The following ITPR1 variants were observed in gnomAD, a reference collection of about 807,000 sequenced individuals.
ITPR1 encodes the protein inositol 1,4,5-trisphosphate-gated calcium channel ITPR1.
Under a neutral mutation model 318.4 loss-of-function variants are expected in ITPR1, and 96 were observed. That is an observed-to-expected ratio of 0.30 (90% CI 0.26 to 0.36). ITPR1 has a LOEUF of 0.36. Among genes scored for constraint, ITPR1 ranks in the 10% least tolerant of loss-of-function variants. The probability of loss-of-function intolerance (pLI) is 1.00; values close to 1 mark genes in which losing one functional copy is unlikely to be tolerated. For missense variants in ITPR1, 2,440 were observed against 3,460.2 expected (o/e 0.71, Z 7.40); for synonymous variants, 1,312 against 1,289.9 (o/e 1.02, Z -0.37).
intron 10 of ITPR1, among the ~76,000 whole-genome samples, chr3:4,650,306 C>T (rs1202368399): frequency 6.6e-6 from 1 of 152,152 alleles, no homozygotes; most frequent in Admixed American, 6.5e-5. Flanking sequence ...GAATGCCTTC[C>T]ACAGTGAGTG....
chr3:4,667,484 A>G lies in ITPR1; in HGVS notation c.1821A>G (p.Glu607=). The G allele has an allele frequency of 1.2e-6, 2 of 1,613,916 alleles. No individual in the cohort carries two copies. The highest frequency in any genetic ancestry group is 1.7e-6 in the Non-Finnish European group (2 of 1,179,814). Residue 607 remains glutamate, a synonymous_variant, in exon 18 of 62, where the codon GAA becomes GAG. Coordinates refer to ENST00000649015, the MANE Select transcript of ITPR1 (RefSeq NM_001378452.1). ...ALLHNNRKLL[E]KHITAAEIDT... is the part of the protein sequence containing the mutation. ...TCCACAATAATCGGAAACTCCTGGA[A>G]AAACACATTACCGCGGCAGAGATTG...
rs201894676 is a variant in ITPR1 at position 4,818,206 on chromosome 3, T to C, written c.7992T>C (p.Tyr2664=). The change falls in exon 60 of 62, where the codon TAT becomes TAC. Residue 2664 remains tyrosine (Y), a synonymous_variant. Coordinates refer to ENST00000649015, the MANE Select transcript of ITPR1 (RefSeq NM_001378452.1). ...TGAAAGTAAAGGACTCCACCGAATA[T>C]ACTGGGCCTGAGAGTTACGTGGCAG... ...VLVKVKDSTE[Y]TGPESYVAEM... is the part of the protein sequence containing the mutation. 81 of 1,587,508 alleles carry C rather than the reference T, an allele frequency of 5.1e-5. No homozygotes were observed. The Middle Eastern group carries it at 1.2e-3, about 23-fold the overall frequency.
chr3:4,566,548 G>T (rs2087274407), intron 4 of ITPR1, among the ~76,000 whole-genome samples: 1 of 151,554 alleles, frequency 6.6e-6, no homozygotes, highest in Non-Finnish European at 1.5e-5. Flanking sequence ...TCAGAGTTGA[G>T]AGTGGGGAGA....
intron 2 of ITPR1, among the ~76,000 whole-genome samples, chr3:4,514,638 C>A (rs9871469): frequency 3.5e-4 from 53 of 152,092 alleles, no homozygotes; most frequent in Non-Finnish European, 5.7e-4. Context: ...GGAGCACATA[C>A]CTGCTCTTCT....
intron 4 of ITPR1, among the ~76,000 whole-genome samples, chr3:4,525,978 G>A (rs1575414847): frequency 6.6e-6 from 1 of 152,204 alleles, no homozygotes; most frequent in East Asian, 1.9e-4. Context: ...GGTTGTTGGA[G>A]TAGAAACAAG....
intron 60 of ITPR1, among the ~76,000 whole-genome samples, chr3:4,818,558 A>G (rs917777200): frequency 5.3e-5 from 8 of 152,238 alleles, no homozygotes; most frequent in African/African-American, 1.7e-4. Flanking sequence ...TCCTGTCGCT[A>G]TGTGAATCTG....
chr3:4,827,684 T>G lies in ITPR1; in HGVS notation c.8029-9090T>G, dbSNP rs186175810. 2.2e-3 allele frequency among the ~76,000 whole-genome samples: 330 copies of G among 152,200 alleles called. 3 individuals are homozygous for G. The highest frequency in any genetic ancestry group is 4.3e-3 in the Admixed American group (65 of 15,286). On this transcript the variant is annotated intron_variant, in intron 60 of 61. Transcript: ENST00000649015. ...CCCTTTGTAGGGTCTAAGATTCCAA[T>G]AAGCAACATTCAGAGTGCGGATAGG...
chr3:4,562,577 A>G (rs2086790968), intron 4 of ITPR1, among the ~76,000 whole-genome samples: 2 of 152,142 alleles, frequency 1.3e-5, no homozygotes, highest in South Asian at 4.1e-4. Context: ...AATATGCATT[A>G]CCAATATCTC....
intron 4 of ITPR1, among the ~76,000 whole-genome samples, chr3:4,599,963 T>A (rs1559513107): frequency 6.6e-6 from 1 of 152,184 alleles, no homozygotes; most frequent in Non-Finnish European, 1.5e-5. Flanking sequence ...TGCCCATTGG[T>A]TGTCCCTACT....
chr3:4,700,257 G>A (rs2094625640), intron 35 of ITPR1, among the ~76,000 whole-genome samples: 1 of 152,170 alleles, frequency 6.6e-6, no homozygotes, highest in African/African-American at 2.4e-5. Context: ...CTAGCACAGT[G>A]CCTGACACAG....
chr3:4,586,435 G>A (rs1340669976), intron 4 of ITPR1, among the ~76,000 whole-genome samples: 3 of 151,960 alleles, frequency 2.0e-5, no homozygotes, highest in Non-Finnish European at 2.9e-5. Context: ...CTCTAGAAAC[G>A]GCCTAACTGC....
chr3:4,760,255 G>A (rs2125361983), intron 44 of ITPR1, among the ~76,000 whole-genome samples: 1 of 152,336 alleles, frequency 6.6e-6, no homozygotes, highest in South Asian at 2.1e-4. Context: ...ATATGGAAAG[G>A]GCTCTGGAAT....
chr3:4,806,055 A>C (rs41290674), intron 54 of ITPR1, 48 bp from the exon 55 acceptor site: 66 of 1,485,324 alleles, frequency 4.4e-5, no homozygotes, highest in Non-Finnish European at 5.7e-5. Context: ...TCTCATGAAG[A>C]GTTTGGCACA....
At chr3:4,609,051 A>T (rs1352869232) in intron 4 of ITPR1, among the ~76,000 whole-genome samples, 1 of 46,542 alleles carries the variant, frequency 2.1e-5, no homozygotes, top group Admixed American at 3.8e-4. Flanking sequence ...ACAACAACGA[A>T]ATATATATAT....
At chr3:4,654,950 C>A (rs1294367263) in intron 12 of ITPR1, among the ~76,000 whole-genome samples, 1 of 152,128 alleles carries the variant, frequency 6.6e-6, no homozygotes, top group Non-Finnish European at 1.5e-5. Flanking sequence ...GTACCCGAGG[C>A]TCACCTTCCT....
intron 4 of ITPR1, among the ~76,000 whole-genome samples, chr3:4,527,409 C>G (rs1230350808): frequency 6.6e-6 from 1 of 152,138 alleles, no homozygotes; most frequent in Non-Finnish European, 1.5e-5. Context: ...CTCATGGCCC[C>G]AAGCCATCCA....
chr3:4,730,766 C>T (rs1037379357), intron 42 of ITPR1, among the ~76,000 whole-genome samples: 8 of 152,198 alleles, frequency 5.3e-5, no homozygotes, highest in Non-Finnish European at 1.0e-4. Flanking sequence ...TCGTGGTACA[C>T]AGGCTCCAGT....
intron 60 of ITPR1, among the ~76,000 whole-genome samples, chr3:4,825,236 G>T (rs2049997806): frequency 6.6e-6 from 1 of 152,118 alleles, no homozygotes; most frequent in Non-Finnish European, 1.5e-5. Context: ...TTTCCAGTTT[G>T]TTCCATTACG....
chr3:4,558,659 T>C (rs377335144), intron 4 of ITPR1, among the ~76,000 whole-genome samples: 2 of 152,092 alleles, frequency 1.3e-5, no homozygotes, highest in East Asian at 1.9e-4. Flanking sequence ...AGGAAAATAA[T>C]GACTAGGAAA....
Sources: gnomAD v4.1 joint callset for allele counts (sites outside exome capture counted in the v4.1 genomes callset) on GRCh38, gnomAD v4.1.1 for gene constraint, MANE v1.5 for transcripts, NCBI Gene and HGNC (gene_info 2026-07-23, HGNC 2026-07-21) for gene names.